KCNG2: variants seen among roughly 807,000 people sequenced by gnomAD.
KCNG2 encodes the protein voltage-gated potassium channel regulatory subunit KCNG2.
Under a neutral mutation model 12.3 loss-of-function variants are expected in KCNG2, and 7 were observed. The ratio of observed to expected loss-of-function variants is 0.57; its 90% confidence interval spans 0.32 to 1.07. The LOEUF is 1.07. Ranked by LOEUF, KCNG2 falls within the 50% of genes least tolerant of loss-of-function variation. KCNG2 has a pLI of 0.04. For synonymous variants in KCNG2, 414 were observed against 351.4 expected, an observed-to-expected ratio of 1.18 and a Z score of -1.99; for missense variants, 703 against 726.0, an observed-to-expected ratio of 0.97 and a Z score of 0.36.
At chr18:79,864,895 CTG>C (rs1979401574) in intron 3 of KCNG2, among the ~76,000 whole-genome samples, 1 of 142,196 alleles carries the variant, frequency 7.0e-6, no homozygotes, top group Admixed American at 7.2e-5. Context: ...GCTGAGAGGA[CTG>C]TGTGCAGAGG....
intron 1 of KCNG2, among the ~76,000 whole-genome samples, chr18:79,843,647 A>T (rs1978532793): frequency 6.6e-6 from 1 of 152,244 alleles, no homozygotes; most frequent in Non-Finnish European, 1.5e-5. Context: ...TTAAGTTGTT[A>T]TCAGCTTAAA....
intron 1 of KCNG2, among the ~76,000 whole-genome samples, chr18:79,830,082 A>C (rs1487588066): frequency 6.6e-6 from 1 of 152,082 alleles, no homozygotes; most frequent in African/African-American, 2.4e-5. Context: ...CTGAAGTAGG[A>C]GTTCTTAACC....
chr18:79,853,835 C>T (rs1046858252), intron 1 of KCNG2, among the ~76,000 whole-genome samples: 8 of 152,230 alleles, frequency 5.3e-5, no homozygotes, highest in South Asian at 2.1e-4. Context: ...GGGCCCGAGA[C>T]GGGCGCCACC....
intron 3 of KCNG2, among the ~76,000 whole-genome samples, chr18:79,882,986 T>C (rs140638480): frequency 3.3e-5 from 5 of 152,336 alleles, no homozygotes; most frequent in Non-Finnish European, 7.4e-5. Context: ...AAGGACAGCG[T>C]GTGTCACGTA....
In KCNG2 at chr18:79,856,891, G is replaced by A. The variant is rs1341385796; in HGVS notation, c.-41+439G>A. 2.0e-5 allele frequency among the ~76,000 whole-genome samples: 3 copies of A among 151,768 alleles called. No homozygotes were observed. The East Asian group carries it at 5.8e-4, about 30-fold the overall frequency. ...AACCTTCAGAGCCTTTAATCCCCCA[G>A]AGCGCTTGACTTGTAGGGCTCGGGA... On this transcript the variant is annotated intron_variant, in intron 2 of 3. Coordinates refer to ENST00000316249, the MANE Select transcript of KCNG2 (RefSeq NM_012283.2).
At chr18:79,897,466 G>T (rs903082521) in intron 3 of KCNG2, among the ~76,000 whole-genome samples, 1 of 151,948 alleles carries the variant, frequency 6.6e-6, no homozygotes, top group African/African-American at 2.4e-5. Context: ...TCTATTTGTG[G>T]CATGTTCATT....
intron 3 of KCNG2, among the ~76,000 whole-genome samples, chr18:79,865,091 G>A (rs1430638293): frequency 6.7e-6 from 1 of 150,072 alleles, no homozygotes; most frequent in Non-Finnish European, 1.5e-5. Flanking sequence ...GCTGAGGTCT[G>A]TGTGCTGAGA....
intron 2 of KCNG2, among the ~76,000 whole-genome samples, chr18:79,861,773 G>T (rs1288811962): frequency 2.6e-5 from 4 of 152,112 alleles, no homozygotes; most frequent in Non-Finnish European, 5.9e-5. Context: ...GCAAAAGCTG[G>T]TACATGTGAT....
intron 1 of KCNG2, among the ~76,000 whole-genome samples, chr18:79,802,893 G>T (rs544857388): frequency 6.6e-6 from 1 of 152,166 alleles, no homozygotes; most frequent in African/African-American, 2.4e-5. Context: ...AAAAGTTAAC[G>T]CTTGGCTGGG....
intron 1 of KCNG2, among the ~76,000 whole-genome samples, chr18:79,820,707 C>T (rs2087564145): frequency 6.6e-6 from 1 of 152,186 alleles, no homozygotes; most frequent in African/African-American, 2.4e-5. Context: ...GTTGTCCAAG[C>T]TGGAGTGCAG....
intron 3 of KCNG2, among the ~76,000 whole-genome samples, chr18:79,881,129 C>T (rs928908125): frequency 1.3e-5 from 2 of 152,192 alleles, no homozygotes; most frequent in African/African-American, 4.8e-5. Flanking sequence ...AAGTAGACGT[C>T]GTACTATTGG....
At chr18:79,798,709 G>C (rs2087383691) in intron 1 of KCNG2, among the ~76,000 whole-genome samples, 1 of 152,222 alleles carries the variant, frequency 6.6e-6, no homozygotes, top group Non-Finnish European at 1.5e-5. Context: ...CCTCCGGCCC[G>C]GGGAGCTCCC....
intron 1 of KCNG2, among the ~76,000 whole-genome samples, chr18:79,820,614 C>A (rs1010735549): frequency 6.6e-6 from 1 of 152,118 alleles, no homozygotes; most frequent in African/African-American, 2.4e-5. Flanking sequence ...CAAATGGGTA[C>A]AATGTACATT....
chr18:79,865,813 GGTCTGGGTGCTGAGAGGTCTGT>G, intron 3 of KCNG2, among the ~76,000 whole-genome samples: 1 of 122,416 alleles, frequency 8.2e-6, no homozygotes, highest in East Asian at 2.5e-4. Context: ...TGTGCTGAGA[GGTCTGGGTGCTGAGAGGTCTGT>G]ATGCTGAGAG....
chr18:79,802,310 G>C (rs946730009), intron 1 of KCNG2, among the ~76,000 whole-genome samples: 3 of 152,210 alleles, frequency 2.0e-5, no homozygotes, highest in African/African-American at 7.2e-5. Flanking sequence ...AGGGGCGTCT[G>C]GGGACCCTGG....
At position 79,874,451 on chromosome 18, in the gene KCNG2, C is replaced by T. The variant is rs188732864; in HGVS notation, c.624+10160C>T. 7.9e-5 allele frequency among the ~76,000 whole-genome samples: 12 copies of T among 152,340 alleles called. 1 individual carries two copies. Among genetic ancestry groups the T allele is most frequent in the Middle Eastern group, 6.8e-3 (2 of 294 alleles). ...CAAATTAACACACACACTTACTGCG[C>T]GTCAGTCAGAGTCCTAGTGGGTGTT... On this transcript the variant is annotated intron_variant, in intron 3 of 3. Coordinates refer to ENST00000316249, the MANE Select transcript of KCNG2 (RefSeq NM_012283.2).
chr18:79,897,408 A>T, intron 3 of KCNG2, among the ~76,000 whole-genome samples: 1 of 152,038 alleles, frequency 6.6e-6, no homozygotes. Flanking sequence ...CAATTCCAGA[A>T]TTTCCGTTTG....
At chr18:79,831,889 C>G (rs1275529464) in intron 1 of KCNG2, among the ~76,000 whole-genome samples, 1 of 152,202 alleles carries the variant, frequency 6.6e-6, no homozygotes, top group Non-Finnish European at 1.5e-5. Context: ...TTTGTAGAAC[C>G]CTGATTTGGA....
At chr18:79,828,569 GTC>G (rs1171421994) in intron 1 of KCNG2, among the ~76,000 whole-genome samples, 4 of 151,982 alleles carry the variant, frequency 2.6e-5, no homozygotes, top group African/African-American at 9.7e-5. Flanking sequence ...CTGTGTGCAT[GTC>G]TGTGTGCATG....
Sources: allele counts gnomAD v4.1 joint callset (sites outside exome capture counted in the v4.1 genomes callset), GRCh38; gene constraint gnomAD v4.1.1; transcripts MANE v1.5; gene names NCBI Gene and HGNC (gene_info 2026-07-23, HGNC 2026-07-21).